DOCK1: variants seen among roughly 807,000 people sequenced by gnomAD.
DOCK1 encodes dedicator of cytokinesis protein 1.
Under a neutral mutation model 262.7 loss-of-function variants are expected in DOCK1, and 138 were observed. The ratio of observed to expected loss-of-function variants is 0.53; its 90% CI spans 0.46 to 0.61. The LOEUF is 0.61. DOCK1 is among the 20% of genes least tolerant of loss of function. The pLI, the probability that DOCK1 is intolerant of heterozygous loss-of-function variation, is 0.00. For missense variants in DOCK1, 1,908 were observed against 2,370.7 expected, an observed-to-expected ratio of 0.80 and a Z score of 4.05; for synonymous variants, 866 against 867.4, an observed-to-expected ratio of 1.00 and a Z score of 0.03.
intron 21 of DOCK1, among the ~76,000 whole-genome samples, chr10:127,046,344 C>T (rs2890086): frequency 6.6e-6 from 1 of 152,188 alleles, no homozygotes; most frequent in Non-Finnish European, 1.5e-5. Context: ...GATCTGCAGA[C>T]TTCGCCTCTT....
chr10:127,315,450 T>G (rs181150563), intron 29 of DOCK1, among the ~76,000 whole-genome samples: 149 of 152,106 alleles, frequency 9.8e-4, no homozygotes, highest in African/African-American at 3.4e-3. Flanking sequence ...GAGAGGCCAT[T>G]TGAGGACACG....
chr10:127,244,839 T>G (rs755519184), intron 27 of DOCK1, among the ~76,000 whole-genome samples: 7 of 152,196 alleles, frequency 4.6e-5, no homozygotes, highest in Non-Finnish European at 1.0e-4. Context: ...GCACAGTGGC[T>G]TTTGCTCCCA....
chr10:127,059,834 C>T (rs2045415266), intron 22 of DOCK1, among the ~76,000 whole-genome samples: 1 of 152,050 alleles, frequency 6.6e-6, no homozygotes, highest in African/African-American at 2.4e-5. Context: ...GTCTGGTTTT[C>T]TGCTGAGTTT....
intron 19 of DOCK1, 53 bp from the exon 20 acceptor site, chr10:127,042,572 T>TG: frequency 1.4e-6 from 2 of 1,477,848 alleles, no homozygotes; most frequent in South Asian, 1.1e-5. Context: ...TTCCAGTGTG[T>TG]GGGGGAAGTC....
intron 27 of DOCK1, among the ~76,000 whole-genome samples, chr10:127,230,097 T>C (rs1289447671): frequency 6.6e-6 from 1 of 152,210 alleles, no homozygotes; most frequent in Non-Finnish European, 1.5e-5. Flanking sequence ...CCTTTGCCCC[T>C]TTTTAAAACA....
At chr10:127,145,620 G>T (rs1263480893) in intron 27 of DOCK1, among the ~76,000 whole-genome samples, 1 of 152,154 alleles carries the variant, frequency 6.6e-6, no homozygotes, top group African/African-American at 2.4e-5. Context: ...CCATCACCTT[G>T]CCTGCCTGTC....
intron 25 of DOCK1, among the ~76,000 whole-genome samples, chr10:127,115,030 C>T (rs1223339501): frequency 1.3e-5 from 2 of 152,182 alleles, no homozygotes; most frequent in Non-Finnish European, 2.9e-5. Flanking sequence ...GCTGGGGTTA[C>T]AGGCATGAGC....
At chr10:126,967,643 C>T (rs1178572977) in intron 1 of DOCK1, among the ~76,000 whole-genome samples, 2 of 152,096 alleles carry the variant, frequency 1.3e-5, no homozygotes, top group Non-Finnish European at 2.9e-5. Flanking sequence ...TCACCGCTTC[C>T]AGCTTCCAGA....
intron 10 of DOCK1, among the ~76,000 whole-genome samples, chr10:127,006,287 C>T (rs1393740680): frequency 6.6e-6 from 1 of 152,208 alleles, no homozygotes. Flanking sequence ...CCTGTGCTGG[C>T]CCTGGGCCTC....
At chr10:127,329,613 T>A (rs2062889707) in intron 29 of DOCK1, among the ~76,000 whole-genome samples, 1 of 152,124 alleles carries the variant, frequency 6.6e-6, no homozygotes, top group Non-Finnish European at 1.5e-5. Context: ...CAGTCAGGCT[T>A]TGCCCTCTCT....
At chr10:127,126,525 G>T (rs1285971789) in intron 26 of DOCK1, among the ~76,000 whole-genome samples, 2 of 152,098 alleles carry the variant, frequency 1.3e-5, no homozygotes, top group African/African-American at 4.8e-5. Flanking sequence ...GAGCCCAGGA[G>T]TTTAAGACCA....
chr10:126,974,835 C>T (rs899491718), intron 2 of DOCK1, among the ~76,000 whole-genome samples: 5 of 152,008 alleles, frequency 3.3e-5, no homozygotes, highest in Admixed American at 1.3e-4. Flanking sequence ...ACATGGTGTG[C>T]GGGCTCACTT....
intron 27 of DOCK1, among the ~76,000 whole-genome samples, chr10:127,144,516 A>G (rs762891028): frequency 3.3e-5 from 5 of 152,240 alleles, no homozygotes; most frequent in Non-Finnish European, 7.3e-5. Context: ...TTGTTGAATT[A>G]CAATAAACTG....
intron 23 of DOCK1, among the ~76,000 whole-genome samples, chr10:127,089,934 A>G (rs527323717): frequency 7.1e-6 from 1 of 141,604 alleles, no homozygotes; most frequent in East Asian, 2.0e-4. Flanking sequence ...CCACATTTTT[A>G]AAACATTTAT....
chr10:126,978,247 G>A (rs543861630), intron 3 of DOCK1, among the ~76,000 whole-genome samples: 1 of 152,318 alleles, frequency 6.6e-6, no homozygotes, highest in South Asian at 2.1e-4. Flanking sequence ...TTCTGTTCAT[G>A]AATTTTGTGT....
chr10:126,969,839 G>A (rs761293737), intron 1 of DOCK1, among the ~76,000 whole-genome samples: 7 of 152,284 alleles, frequency 4.6e-5, no homozygotes, highest in South Asian at 2.1e-4. Flanking sequence ...TTAGAGGTGT[G>A]CCACAATGCA....
intron 29 of DOCK1, among the ~76,000 whole-genome samples, chr10:127,330,152 G>C (rs1354601859): frequency 6.6e-6 from 1 of 152,236 alleles, no homozygotes; most frequent in South Asian, 2.1e-4. Context: ...CTAGAAACAG[G>C]TGTGAACTCT....
intron 29 of DOCK1, among the ~76,000 whole-genome samples, chr10:127,276,444 T>A (rs1239850074): frequency 6.6e-6 from 1 of 152,182 alleles, no homozygotes; most frequent in Non-Finnish European, 1.5e-5. Flanking sequence ...TACTCAGATG[T>A]CTTCCAGAAC....
At chr10:127,280,032 ATAAT>A (rs1366684040) in intron 29 of DOCK1, among the ~76,000 whole-genome samples, 7 of 131,276 alleles carry the variant, frequency 5.3e-5, no homozygotes, top group African/African-American at 1.2e-4. Flanking sequence ...ATATATATAT[ATAAT>A]TTTTTTTTTT....
Sources: gnomAD v4.1 joint callset for allele counts (sites outside exome capture counted in the v4.1 genomes callset) on GRCh38, gnomAD v4.1.1 for gene constraint, MANE v1.5 for transcripts, NCBI Gene and HGNC (gene_info 2026-07-23, HGNC 2026-07-21) for gene names.